Variants in SHOC2 observed in about 807,000 individuals in gnomAD.
The protein encoded by SHOC2 is SHOC2 leucine rich repeat scaffold protein, also known as leucine-rich repeat protein SHOC-2.
A neutral mutation model predicts 50.2 loss-of-function variants in SHOC2; 4 were observed. That is an observed-to-expected ratio of 0.08 (90% confidence interval 0.04 to 0.18). SHOC2 has a LOEUF of 0.18. Ranked by LOEUF, SHOC2 falls within the 10% of genes least tolerant of loss-of-function variation. The pLI, the probability that SHOC2 is intolerant of heterozygous loss-of-function variation, is 1.00. For synonymous variants in SHOC2, 218 were observed against 244.5 expected (o/e 0.89, Z 1.01); for missense variants, 388 against 669.6 (o/e 0.58, Z 4.64).
chr10:110,939,179 A>AT (rs1847089160), intron 1 of SHOC2, among the ~76,000 whole-genome samples: 1 of 151,738 alleles, frequency 6.6e-6, no homozygotes, highest in Non-Finnish European at 1.5e-5. Flanking sequence ...ATAACTCCAG[A>AT]TTTTTTTGCT....
At chr10:110,927,843 C>T (rs1387741704) in intron 1 of SHOC2, among the ~76,000 whole-genome samples, 1 of 152,016 alleles carries the variant, frequency 6.6e-6, no homozygotes, top group African/African-American at 2.4e-5. Context: ...TTTTAGGTTG[C>T]AAATAAGGCT....
intron 1 of SHOC2, among the ~76,000 whole-genome samples, chr10:110,960,659 C>G (rs2134116241): frequency 6.6e-6 from 1 of 152,162 alleles, no homozygotes; most frequent in Middle Eastern, 3.4e-3. Context: ...CAACTCAGAG[C>G]TCCACCAAGT....
chr10:111,010,504 G>A (rs1848547125), intron 8 of SHOC2, among the ~76,000 whole-genome samples: 1 of 152,104 alleles, frequency 6.6e-6, no homozygotes, highest in African/African-American at 2.4e-5. Context: ...GATACAGGGT[G>A]GGGAACATCA....
At chr10:110,956,463 A>G (rs1338651504) in intron 1 of SHOC2, among the ~76,000 whole-genome samples, 5 of 152,148 alleles carry the variant, frequency 3.3e-5, no homozygotes, top group South Asian at 2.1e-4. Context: ...TTCATACCTT[A>G]AGACCACTCT....
intron 4 of SHOC2, among the ~76,000 whole-genome samples, chr10:111,003,147 G>T (rs1457115307): frequency 6.6e-6 from 1 of 152,200 alleles, no homozygotes; most frequent in African/African-American, 2.4e-5. Context: ...TCTCTGTATA[G>T]TTATATCCTC....
intron 3 of SHOC2, among the ~76,000 whole-genome samples, chr10:110,995,258 AT>A (rs1248032068): frequency 1.3e-5 from 2 of 152,244 alleles, no homozygotes. Flanking sequence ...GGTGAGGGAG[AT>A]AACTAATCCA....
intron 1 of SHOC2, among the ~76,000 whole-genome samples, chr10:110,959,562 C>G (rs1248249190): frequency 6.6e-6 from 1 of 152,214 alleles, no homozygotes; most frequent in Non-Finnish European, 1.5e-5. Context: ...TTAGCATGGA[C>G]TGTTGCAGTG....
At chr10:110,974,352 A>G (rs1847837342) in intron 2 of SHOC2, among the ~76,000 whole-genome samples, 2 of 151,902 alleles carry the variant, frequency 1.3e-5, no homozygotes, top group African/African-American at 4.8e-5. Flanking sequence ...GCTTGTCTTG[A>G]TAAGTGTTCT....
At chr10:110,988,939 A>G (rs933483116) in intron 3 of SHOC2, 2 of 500,904 alleles carry the variant, frequency 4.0e-6, no homozygotes, top group Non-Finnish European at 8.2e-6. Context: ...TTAGGTTGGT[A>G]CAAAAGCAAT....
At chr10:110,920,945 G>A (rs1846632709) in intron 1 of SHOC2, among the ~76,000 whole-genome samples, 1 of 152,268 alleles carries the variant, frequency 6.6e-6, no homozygotes, top group East Asian at 1.9e-4. Context: ...TATATCAAAA[G>A]CTTTTTGTTA....
chr10:110,919,790 C>T (rs1336925314), intron 1 of SHOC2, 133 bp downstream of exon 1: 1 of 392,404 alleles, frequency 2.5e-6, no homozygotes, highest in East Asian at 3.6e-5. Context: ...GAGCCGGCAG[C>T]GCCGGGGCGA....
rs369850100 is a variant in SHOC2 at position 111,009,842 on chromosome 10, G to A, written c.1540+12G>A. 2.2e-6 allele frequency: 3 copies of A among 1,334,954 alleles called. No homozygotes were observed. Among genetic ancestry groups the A allele is most frequent in the Non-Finnish European group, 3.2e-6 (3 of 925,318 alleles). 82.7% of individuals were successfully genotyped at this position (1,334,954 alleles called of 1,614,324 possible). ...TCCTGAAGAAATTGGTATGAACCCT[G>A]TGAATGCTTGACTCTGTACTAATAA... On this transcript the variant is annotated intron_variant, in intron 8 of 8. Transcript: ENST00000369452.
chr10:110,982,005 C>T (rs1413466341), intron 2 of SHOC2, among the ~76,000 whole-genome samples: 1 of 108,606 alleles, frequency 9.2e-6, no homozygotes, highest in African/African-American at 3.4e-5. Flanking sequence ...TCCCTCCCCC[C>T]TCCCCCCACC....
Position 110,964,911 on chromosome 10 carries a change from C to T in SHOC2, c.553C>T (p.Pro185Ser). 1 of 1,613,826 alleles carries T rather than the reference C, an allele frequency of 6.2e-7. No individual in the cohort carries two copies. Among genetic ancestry groups the T allele is most frequent in the Non-Finnish European group, 8.5e-7 (1 of 1,179,950 alleles). Reference protein sequence around the residue: ...DLRHNKLREIPSVVYRLDSLT... With the variant: ...DLRHNKLREISSVVYRLDSLT... ...ACGGCATAATAAACTGAGAGAAATT[C>T]CTTCAGTGGTGTATAGGCTGGATTC... The change falls in exon 2 of 9, where the codon CCT becomes TCT. Residue 185 changes from proline to serine, a missense_variant. By Grantham distance (74) the Pro-to-Ser change is moderately conservative. Around this residue, in one of 5 missense-constraint regions of SHOC2, gnomAD observed 88 missense variants for 147.2 expected, o/e 0.60. Transcript: ENST00000369452. This position sits in a 1 kb window ranked among gnomAD's most constrained non-coding sequence, Gnocchi z 4.9.
At chr10:110,944,706 T>C (rs981816472) in intron 1 of SHOC2, among the ~76,000 whole-genome samples, 7 of 152,242 alleles carry the variant, frequency 4.6e-5, no homozygotes, top group African/African-American at 1.7e-4. Flanking sequence ...TTTCTTCATT[T>C]AATTTCTTTT....
intron 1 of SHOC2, among the ~76,000 whole-genome samples, chr10:110,957,738 G>C (rs1847494426): frequency 6.6e-6 from 1 of 152,092 alleles, no homozygotes; most frequent in Non-Finnish European, 1.5e-5. Flanking sequence ...ATACAATTTA[G>C]ATTGCCAAGT....
At chr10:110,989,990 T>C (rs1464916172) in intron 3 of SHOC2, among the ~76,000 whole-genome samples, 2 of 152,238 alleles carry the variant, frequency 1.3e-5, no homozygotes, top group East Asian at 1.9e-4. Context: ...AACAACAAAC[T>C]AATTGGAATG....
rs7904892 is a variant in SHOC2 at position 111,009,092 on chromosome 10, A to C, written c.1285-156A>C. 0.53 allele frequency among the ~76,000 whole-genome samples: 80,739 copies of C among 151,944 alleles called. 24,947 individuals carry two copies. The highest frequency in any genetic ancestry group is 0.69 in the Non-Finnish European group (47,105 of 67,878). ...AATAACTATGGTGTTTTTTTAGAAA[A>C]GTAAGTTAAATATTTTATATGTTAT... On this transcript the variant is annotated intron_variant, in intron 6 of 8. Transcript: ENST00000369452.
intron 2 of SHOC2, among the ~76,000 whole-genome samples, chr10:110,972,390 A>G (rs1847799749): frequency 6.6e-6 from 1 of 152,204 alleles, no homozygotes; most frequent in South Asian, 2.1e-4. Context: ...TAAGTAACTT[A>G]CTTTAGCAGG....
Sources: allele counts gnomAD v4.1 joint callset (sites outside exome capture counted in the v4.1 genomes callset), GRCh38; gene constraint gnomAD v4.1.1; regional missense constraint gnomAD v4.1.1; non-coding constraint Gnocchi (gnomAD v3.1); transcripts MANE v1.5; gene names NCBI Gene and HGNC (gene_info 2026-07-23, HGNC 2026-07-21).